ZIK1: variants seen among roughly 807,000 people sequenced by gnomAD.
ZIK1 encodes zinc finger protein interacting with ribonucleoprotein K.
In ZIK1, 12 loss-of-function variants were observed where a neutral mutation model predicts 10.7. The observed-to-expected ratio is 1.12, with a 90% confidence interval of 0.72 to 1.81. ZIK1 has a LOEUF of 1.81. Among genes scored for constraint, ZIK1 ranks in the 40% most tolerant of loss-of-function variants. ZIK1 has a pLI of 0.00. For synonymous variants in ZIK1, 190 were observed against 205.0 expected, an observed-to-expected ratio of 0.93 and a Z score of 0.63; for missense variants, 497 against 585.7, an observed-to-expected ratio of 0.85 and a Z score of 1.56.
Position 57,591,428 on chromosome 19 carries a change from GCCAT to G in ZIK1, c.*155_*158del. ...AGCAGTAGAGAGCCTTTGTGAGGGA[GCCAT>G]CTGCCTGAAGTTGAACCTCATTCTT... is the stretch of plus-strand genomic sequence containing the variant. On this transcript the variant is annotated 3_prime_UTR_variant, in exon 4 of 4. Transcript: ENST00000597850. 1 of 744,604 alleles carries G rather than the reference GCCAT, an allele frequency of 1.3e-6. No homozygotes were observed. Among genetic ancestry groups the G allele is most frequent in the South Asian group, 2.1e-5 (1 of 48,410 alleles). The allele number at this position is 744,604 out of a possible 1,614,324, so 46.1% of individuals were successfully genotyped here.
chr19:57,591,321 TC>T lies in ZIK1; in HGVS notation c.*47del. ...ATGTGGAAGCGCCTTCAACTCAAGA[TC>T]TATCATCATTTAGCTCCTGAAAGTC... is the stretch of plus-strand genomic sequence containing the variant. On this transcript the variant is annotated 3_prime_UTR_variant, in exon 4 of 4. Transcript: ENST00000597850. 1 of 1,540,446 alleles carries T rather than the reference TC, an allele frequency of 6.5e-7. No homozygotes were observed. The highest frequency in any genetic ancestry group is 8.8e-7 in the Non-Finnish European group (1 of 1,140,560).
intron 3 of ZIK1, chr19:57,589,257 T>C: frequency 1.0e-6 from 1 of 985,258 alleles, no homozygotes; most frequent in Non-Finnish European, 1.2e-6. Context: ...AGGGTGAACA[T>C]GGTCTCAGAG....
At chr19:57,585,883 ATTT>A in intron 2 of ZIK1, among the ~76,000 whole-genome samples, 1 of 130,110 alleles carries the variant, frequency 7.7e-6, no homozygotes, top group South Asian at 2.5e-4. Context: ...TGCCCAGCGA[ATTT>A]TTTTTTTTTT....
Position 57,590,171 on chromosome 19 carries a change from G to T in ZIK1, c.360G>T (p.Gly120=). Residue 120 remains glycine (G), a synonymous_variant, in exon 4 of 4, where the codon GGG becomes GGT. Transcript: ENST00000597850. ...KDILHLADLP[G]QKPYLVGECT... is the part of the protein sequence containing the mutation. The stretch of plus-strand genomic sequence containing the variant: ...TTTTGCATCTAGCTGATCTCCCTGG[G>T]CAGAAACCATACTTGGTTGGAGAAT... 6.2e-7 allele frequency: 1 copy of T among 1,614,192 alleles called. No homozygotes were observed. The highest frequency in any genetic ancestry group is 8.5e-7 in the Non-Finnish European group (1 of 1,180,034).
chr19:57,584,994 A>G lies in ZIK1; in HGVS notation c.72+4A>G. 6.2e-7 allele frequency: 1 copy of G among 1,613,368 alleles called. No individual in the cohort carries two copies. The highest frequency in any genetic ancestry group is 1.1e-5 in the South Asian group (1 of 90,920). Reference sequence around the variant, plus strand: ...AACACATATGGACCTCACAAAGGTGAGTGGAGGGTGTCCCAGGCCCTCACT... The same window carrying G: ...AACACATATGGACCTCACAAAGGTGGGTGGAGGGTGTCCCAGGCCCTCACT... On this transcript the variant is annotated splice_donor_region_variant and intron_variant, in intron 2 of 3. Transcript: ENST00000597850.
At chr19:57,587,224 G>T (rs1401090365) in intron 2 of ZIK1, among the ~76,000 whole-genome samples, 1 of 152,184 alleles carries the variant, frequency 6.6e-6, no homozygotes, top group Non-Finnish European at 1.5e-5. Flanking sequence ...TTCAAGAAGA[G>T]ATTTGGGTGG....
rs1168841727 is a variant in ZIK1 at position 57,593,376 on chromosome 19, A to G, written c.*2101A>G. On this transcript the variant is annotated 3_prime_UTR_variant, in exon 4 of 4. Coordinates refer to ENST00000597850, the MANE Select transcript of ZIK1 (RefSeq NM_001010879.4). ...CTTTTAAGATTTATCAATATTGCTTATGTGAATAGTTCATTTGTATTGCTG... is the reference window on the plus strand; with the variant it reads ...CTTTTAAGATTTATCAATATTGCTTGTGTGAATAGTTCATTTGTATTGCTG... The G allele has an allele frequency of 6.6e-6, 1 of 152,170 alleles. No homozygotes were observed. Among genetic ancestry groups the G allele is most frequent in the African/African-American group, 2.4e-5 (1 of 41,438 alleles). 9.4% of individuals were successfully genotyped at this position (152,170 alleles called of 1,614,324 possible). A position where few individuals can be genotyped will look rare whatever the true frequency, so the allele number is the denominator to read the frequency against.
At position 57,591,739 on chromosome 19, in the gene ZIK1, T is replaced by TGAC. The variant is rs567507632; in HGVS notation, c.*464_*465insGAC. On this transcript the variant is annotated 3_prime_UTR_variant, in exon 4 of 4. Transcript: ENST00000597850. ...ATTCTTGGTCTCACATGACACTTGG[T>TGAC]CATTCTTCCAGCCTCCATGTCACCA... The TGAC allele has an allele frequency of 3.0e-3, 485 of 159,260 alleles. 3 individuals are homozygous for TGAC. Among genetic ancestry groups the TGAC allele is most frequent in the African/African-American group, 0.011 (469 of 41,660 alleles). The allele number at this position is 159,260 out of a possible 1,614,324, so 9.9% of individuals were successfully genotyped here.
At chr19:57,589,191 G>C in intron 3 of ZIK1, 1 of 913,244 alleles carries the variant, frequency 1.1e-6, no homozygotes, top group Middle Eastern at 5.6e-4. Context: ...TTGGCTTCAT[G>C]AAGGTCCCAC....
At chr19:57,588,466 G>A (rs117784001) in intron 2 of ZIK1, 73 bp from the exon 3 acceptor site, 16,228 of 1,358,136 alleles carry the variant, frequency 0.012, 199 homozygotes, top group East Asian at 0.062. Flanking sequence ...TTTCCTTAAG[G>A]TGGGGATGAT....
rs1479443955 is a variant in ZIK1 at position 57,591,200 on chromosome 19, T to C, written c.1389T>C (p.Tyr463=). Residue 463 remains tyrosine, a synonymous_variant, in exon 4 of 4, where the codon TAT becomes TAC. Coordinates refer to ENST00000597850, the MANE Select transcript of ZIK1 (RefSeq NM_001010879.4). The part of the protein sequence containing the change: ...HQVVHTGERP[Y]ECNKCGNSFS... ...TGGTTCACACTGGAGAAAGGCCTTA[T>C]GAGTGCAACAAATGTGGGAATTCCT... The C allele has an allele frequency of 6.2e-7, 1 of 1,614,230 alleles. No individual in the cohort carries two copies. Among genetic ancestry groups the C allele is most frequent in the Non-Finnish European group, 8.5e-7 (1 of 1,180,022 alleles).
chr19:57,590,336 C>T lies in ZIK1; in HGVS notation c.525C>T (p.Asp175=). 2 of 1,614,154 alleles carry T rather than the reference C, an allele frequency of 1.2e-6. No homozygotes were observed. The highest frequency in any genetic ancestry group is 1.7e-6 in the Non-Finnish European group (2 of 1,180,038). Residue 175 remains aspartate (D), a synonymous_variant, in exon 4 of 4, where the codon GAC becomes GAT. Coordinates refer to ENST00000597850, the MANE Select transcript of ZIK1 (RefSeq NM_001010879.4). ...KPFRKWEVGK[D]LPAMLRLLRS... is the part of the protein sequence containing the mutation. ...TTCGCAAATGGGAGGTTGGAAAGGA[C>T]CTTCCAGCCATGTTGCGGCTTCTGA... is the stretch of plus-strand genomic sequence containing the variant.
At chr19:57,588,425 A>T (rs1386857792) in intron 2 of ZIK1, 114 bp from the exon 3 acceptor site, 8 of 1,201,296 alleles carry the variant, frequency 6.7e-6, no homozygotes, top group Non-Finnish European at 8.8e-6. Context: ...CCATGAAAAG[A>T]GAGTGGGCAT....
At chr19:57,588,482 G>A in intron 2 of ZIK1, 57 bp from the exon 3 acceptor site, 1 of 1,386,610 alleles carries the variant, frequency 7.2e-7, no homozygotes, top group South Asian at 2.0e-5. Context: ...ATGATTGCGT[G>A]GGTGGATGAA....
At chr19:57,584,539 GTT>G (rs1978953928) in intron 1 of ZIK1, 150 bp downstream of exon 1, 11 of 1,421,260 alleles carry the variant, frequency 7.7e-6, no homozygotes, top group Non-Finnish European at 1.0e-5. Context: ...ACGGAAGAGG[GTT>G]ACAGGCAAAG....
chr19:57,587,820 G>A (rs1300558054), intron 2 of ZIK1, among the ~76,000 whole-genome samples: 1 of 152,090 alleles, frequency 6.6e-6, no homozygotes, highest in African/African-American at 2.4e-5. Context: ...GAGTACAAGT[G>A]TTCATCTGTA....
In ZIK1 at chr19:57,590,143, A is replaced by G. The variant is rs549932853; in HGVS notation, c.332A>G (p.Asp111Gly). 5.7e-5 allele frequency: 92 copies of G among 1,614,204 alleles called. No individual in the cohort carries two copies. In the South Asian group the frequency reaches 8.6e-4, roughly 15 times the overall value. Residue 111 changes from aspartate (D) to glycine (G), a missense_variant, in exon 4 of 4, where the codon GAT becomes GGT. Coordinates refer to ENST00000597850, the MANE Select transcript of ZIK1 (RefSeq NM_001010879.4). ...GAGATGTGTGTCCCAGTCCTGAAAG[A>G]TATTTTGCATCTAGCTGATCTCCCT... Reference protein sequence around the residue: ...SCEMCVPVLKDILHLADLPGQ... With the variant: ...SCEMCVPVLKGILHLADLPGQ...
intron 2 of ZIK1, among the ~76,000 whole-genome samples, chr19:57,585,446 G>A (rs1184236202): frequency 6.6e-6 from 1 of 152,204 alleles, no homozygotes; most frequent in Non-Finnish European, 1.5e-5. Context: ...TGGGTGTGAT[G>A]GAGGCGATAG....
chr19:57,587,369 C>A (rs1979261589), intron 2 of ZIK1, among the ~76,000 whole-genome samples: 4 of 152,090 alleles, frequency 2.6e-5, no homozygotes, highest in Non-Finnish European at 4.4e-5. Flanking sequence ...TGTGTCCCCG[C>A]AAAATTCATA....
Sources: gnomAD v4.1 joint callset for allele counts (sites outside exome capture counted in the v4.1 genomes callset) on GRCh38, gnomAD v4.1.1 for gene constraint, MANE v1.5 for transcripts, NCBI Gene and HGNC (gene_info 2026-07-23, HGNC 2026-07-21) for gene names.